Variants in SCN8A observed in about 807,000 individuals in gnomAD.
SCN8A encodes the protein sodium channel protein type 8 subunit alpha.
In SCN8A, 30 loss-of-function variants were observed where a neutral mutation model predicts 184.1. That is an observed-to-expected ratio of 0.16 (90% confidence interval 0.12 to 0.22). The LOEUF is 0.22. SCN8A is among the 10% of genes least tolerant of loss of function. SCN8A has a pLI of 1.00. For missense variants in SCN8A, 1,057 were observed against 2,498.9 expected (o/e 0.42, Z 12.30); for synonymous variants, 852 against 907.0 (o/e 0.94, Z 1.09).
At chr12:51,650,332 C>T (rs1333138795) in intron 1 of SCN8A, among the ~76,000 whole-genome samples, 1 of 152,110 alleles carries the variant, frequency 6.6e-6, no homozygotes, top group African/African-American at 2.4e-5. Flanking sequence ...TCCATGTTTT[C>T]AGGTATCTTT....
At chr12:51,629,880 G>A (rs1381460539) in intron 1 of SCN8A, among the ~76,000 whole-genome samples, 1 of 152,158 alleles carries the variant, frequency 6.6e-6, no homozygotes, top group Middle Eastern at 3.2e-3. Context: ...GTGGCAGCCA[G>A]ATCAGGTTAT....
chr12:51,636,754 C>G (rs998869306), intron 1 of SCN8A, among the ~76,000 whole-genome samples: 1 of 152,192 alleles, frequency 6.6e-6, no homozygotes, highest in Non-Finnish European at 1.5e-5. Flanking sequence ...TCTTTCAGGG[C>G]AAAGCATGAT....
At chr12:51,710,585 G>A (rs1352557873) in intron 11 of SCN8A, among the ~76,000 whole-genome samples, 2 of 152,160 alleles carry the variant, frequency 1.3e-5, no homozygotes, top group African/African-American at 4.8e-5. Flanking sequence ...CTTGAGCATG[G>A]GAGGTTGAAG....
At chr12:51,602,912 C>A (rs1464736884) in intron 1 of SCN8A, among the ~76,000 whole-genome samples, 1 of 152,184 alleles carries the variant, frequency 6.6e-6, no homozygotes, top group African/African-American at 2.4e-5. Flanking sequence ...AGTTCTAGCT[C>A]ATGAATGGCA....
intron 1 of SCN8A, among the ~76,000 whole-genome samples, chr12:51,609,124 A>C (rs1355457166): frequency 6.6e-6 from 1 of 152,026 alleles, no homozygotes; most frequent in Non-Finnish European, 1.5e-5. Flanking sequence ...AGTTTTCTTA[A>C]ATTTATTGAG....
At chr12:51,733,876 A>G (rs118181315) in intron 12 of SCN8A, among the ~76,000 whole-genome samples, 11 of 152,308 alleles carry the variant, frequency 7.2e-5, no homozygotes, top group Admixed American at 2.6e-4. Flanking sequence ...CATAGTAACC[A>G]CTAATGCTAC....
In SCN8A at chr12:51,591,243, C is replaced by G. The variant is rs1939205429; in HGVS notation, c.-171C>G. The stretch of plus-strand genomic sequence containing the variant: ...GCGGGGGGCGGGCGCGGGGAGCGCT[C>G]CAAGATGGCGCCCACCGCAGTCCCG... On this transcript the variant is annotated 5_prime_UTR_variant, in exon 1 of 27. Coordinates refer to ENST00000627620, the MANE Select transcript of SCN8A (RefSeq NM_001330260.2). 1 of 151,708 alleles carries G rather than the reference C, an allele frequency of 6.6e-6. No individual in the cohort carries two copies. The highest frequency in any genetic ancestry group is 1.5e-5 in the Non-Finnish European group (1 of 67,858). 9.4% of individuals were successfully genotyped at this position (151,708 alleles called of 1,614,324 possible).
In SCN8A at chr12:51,721,647, C is replaced by G. The variant is rs770853019; in HGVS notation, c.1737C>G (p.Ser579=). ...RGPGRFRDPG[S]ENEFADDEHS... Reference sequence around the variant, plus strand: ...CTGGGCGGTTCCGAGACCCGGGCTCCGAGAATGAGTTCGCGGATGACGAGC... The same window carrying G: ...CTGGGCGGTTCCGAGACCCGGGCTCGGAGAATGAGTTCGCGGATGACGAGC... The change falls in exon 12 of 27, where the codon TCC becomes TCG. Residue 579 remains serine, a synonymous_variant. Coordinates refer to ENST00000627620, the MANE Select transcript of SCN8A (RefSeq NM_001330260.2). 11 of 1,610,682 alleles carry G rather than the reference C, an allele frequency of 6.8e-6. No individual in the cohort carries two copies. In the Admixed American group the frequency reaches 1.5e-4, roughly 22 times the overall value.
At chr12:51,783,344 G>GAA (rs1937983774) in intron 21 of SCN8A, among the ~76,000 whole-genome samples, 1 of 151,852 alleles carries the variant, frequency 6.6e-6, no homozygotes. Flanking sequence ...TCTTCTATAT[G>GAA]CCAACACTTG....
chr12:51,612,112 A>G (rs1939732869), intron 1 of SCN8A, among the ~76,000 whole-genome samples: 1 of 152,184 alleles, frequency 6.6e-6, no homozygotes. Context: ...TTTTAGGGAA[A>G]AAACATTCAG....
chr12:51,658,366 G>T (rs1264551010), intron 1 of SCN8A, among the ~76,000 whole-genome samples: 3 of 151,652 alleles, frequency 2.0e-5, no homozygotes, highest in Non-Finnish European at 4.4e-5. Context: ...CTATTTTTTT[G>T]GTGGCTATTA....
chr12:51,662,863 C>G lies in SCN8A; in HGVS notation c.46C>G (p.Pro16Ala). Reference protein sequence around the residue: ...LAPPGPDSFKPFTPESLANIE... With the variant: ...LAPPGPDSFKAFTPESLANIE... Reference sequence around the variant, plus strand: ...ACCACCAGGCCCTGATAGTTTCAAGCCTTTCACCCCTGAGTCACTGGCAAA... The same window carrying G: ...ACCACCAGGCCCTGATAGTTTCAAGGCTTTCACCCCTGAGTCACTGGCAAA... The change falls in exon 2 of 27, where the codon CCT becomes GCT. Residue 16 changes from proline to alanine, a missense_variant. Transcript: ENST00000627620. 1 of 1,613,996 alleles carries G rather than the reference C, an allele frequency of 6.2e-7. No homozygotes were observed. The highest frequency in any genetic ancestry group is 8.5e-7 in the Non-Finnish European group (1 of 1,179,884).
At chr12:51,667,527 A>T (rs1408557159) in intron 2 of SCN8A, among the ~76,000 whole-genome samples, 1 of 151,842 alleles carries the variant, frequency 6.6e-6, no homozygotes, top group African/African-American at 2.4e-5. Context: ...TAATTTTTGT[A>T]TTTCTCCCAC....
chr12:51,619,670 G>T (rs527893556), intron 1 of SCN8A, among the ~76,000 whole-genome samples: 1 of 152,220 alleles, frequency 6.6e-6, no homozygotes, highest in African/African-American at 2.4e-5. Flanking sequence ...AAATAAAAAG[G>T]ATTAACTGAC....
At chr12:51,654,198 A>G (rs1446681208) in intron 1 of SCN8A, among the ~76,000 whole-genome samples, 1 of 152,132 alleles carries the variant, frequency 6.6e-6, no homozygotes, top group African/African-American at 2.4e-5. Flanking sequence ...CATTTTAATA[A>G]AGTTCCATTT....
At chr12:51,674,028 G>A (rs992712215) in intron 2 of SCN8A, among the ~76,000 whole-genome samples, 6 of 152,192 alleles carry the variant, frequency 3.9e-5, no homozygotes, top group African/African-American at 9.7e-5. Context: ...TATAAAGGCC[G>A]AGAGACATGA....
At chr12:51,595,546 ACT>A (rs1755937164) in intron 1 of SCN8A, among the ~76,000 whole-genome samples, 1 of 152,122 alleles carries the variant, frequency 6.6e-6, no homozygotes, top group South Asian at 2.1e-4. Flanking sequence ...TCAAATCCCG[ACT>A]CTGCTATGTA....
chr12:51,780,890 T>G (rs1003372849), intron 21 of SCN8A, 119 bp downstream of exon 21: 3 of 1,234,956 alleles, frequency 2.4e-6, no homozygotes, highest in Non-Finnish European at 3.1e-6. Flanking sequence ...CAGCTGCTGA[T>G]TTGATCCTCC....
intron 20 of SCN8A, among the ~76,000 whole-genome samples, chr12:51,777,251 A>AT (rs146256914): frequency 0.031 from 4,578 of 148,996 alleles, 204 homozygotes; most frequent in African/African-American, 0.1. Flanking sequence ...CCCTGAATTT[A>AT]TTTTTTTTTT....
Sources: allele counts gnomAD v4.1 joint callset (sites outside exome capture counted in the v4.1 genomes callset), GRCh38; gene constraint gnomAD v4.1.1; transcripts MANE v1.5; gene names NCBI Gene and HGNC (gene_info 2026-07-23, HGNC 2026-07-21).